The following UBASH3A variants were observed in gnomAD, a reference collection of about 807,000 sequenced individuals.
UBASH3A encodes ubiquitin associated and SH3 domain containing A.
In UBASH3A, 63 loss-of-function variants were observed where a neutral mutation model predicts 73.5. The ratio of observed to expected loss-of-function variants is 0.86; its 90% CI spans 0.70 to 1.06. The LOEUF is 1.06. Among genes scored for constraint, UBASH3A ranks in the 50% least tolerant of loss-of-function variants. The pLI is 0.00. For synonymous variants in UBASH3A, 363 were observed against 351.1 expected, an observed-to-expected ratio of 1.03 and a Z score of -0.38; for missense variants, 860 against 859.0, an observed-to-expected ratio of 1.00 and a Z score of -0.02.
intron 3 of UBASH3A, among the ~76,000 whole-genome samples, chr21:42,411,385 C>T (rs1340602601): frequency 6.6e-6 from 1 of 151,656 alleles, no homozygotes; most frequent in African/African-American, 2.4e-5. Context: ...GATAGACACA[C>T]ATGCACAAAC....
At chr21:42,427,074 C>T (rs1013537651) in intron 8 of UBASH3A, among the ~76,000 whole-genome samples, 1 of 152,294 alleles carries the variant, frequency 6.6e-6, no homozygotes, top group East Asian at 1.9e-4. Context: ...CTCAAGGCAG[C>T]TGAATCCCGA....
intron 6 of UBASH3A, among the ~76,000 whole-genome samples, chr21:42,417,915 C>T (rs1264827626): frequency 4.6e-5 from 6 of 131,210 alleles, no homozygotes; most frequent in African/African-American, 1.8e-4. Flanking sequence ...GGGAGTCTCA[C>T]CCTGTCACCC....
intron 11 of UBASH3A, among the ~76,000 whole-genome samples, chr21:42,438,629 A>G (rs2053671727): frequency 6.6e-6 from 1 of 152,142 alleles, no homozygotes; most frequent in South Asian, 2.1e-4. Context: ...ACTTGAGGGC[A>G]TAGTGAGGGG....
At chr21:42,440,244 T>G (rs188061019) in intron 11 of UBASH3A, among the ~76,000 whole-genome samples, 29 of 152,324 alleles carry the variant, frequency 1.9e-4, no homozygotes, top group African/African-American at 7.0e-4. Flanking sequence ...TTTCCAGCTC[T>G]GCGCTTTGGG....
At chr21:42,444,753 C>T (rs2053818020) in intron 14 of UBASH3A, 110 bp downstream of exon 14, 1 of 884,558 alleles carries the variant, frequency 1.1e-6, no homozygotes, top group South Asian at 1.4e-5. Context: ...GACCCAGGGC[C>T]ACCAGGATCC....
intron 11 of UBASH3A, among the ~76,000 whole-genome samples, chr21:42,438,649 C>T (rs2053672111): frequency 6.6e-6 from 1 of 152,104 alleles, no homozygotes; most frequent in Non-Finnish European, 1.5e-5. Flanking sequence ...GGTGACCGTG[C>T]CCATGGACTT....
intron 5 of UBASH3A, among the ~76,000 whole-genome samples, chr21:42,416,067 G>A (rs1431855245): frequency 6.6e-6 from 1 of 152,092 alleles, no homozygotes; most frequent in Non-Finnish European, 1.5e-5. Context: ...TTTTCTTCTT[G>A]AAACTCTACG....
intron 8 of UBASH3A, among the ~76,000 whole-genome samples, chr21:42,431,447 C>T (rs781714092): frequency 1.4e-4 from 21 of 152,338 alleles, no homozygotes; most frequent in South Asian, 2.1e-4. Context: ...GTCCCTGGCT[C>T]GAAGCTGCTG....
intron 8 of UBASH3A, among the ~76,000 whole-genome samples, chr21:42,428,757 G>A (rs1386839121): frequency 6.6e-6 from 1 of 152,042 alleles, no homozygotes; most frequent in Non-Finnish European, 1.5e-5. Context: ...AGCTCAGCCT[G>A]TGTCTAAACC....
rs374765729 is a variant in UBASH3A at position 42,431,163 on chromosome 21, C to T, written c.1171-940C>T. ...TTCATCTCATTTGCTGTGGGTTCCT[C>T]TCAAGGCCAGTCCCTCAACTTGATC... is the stretch of plus-strand genomic sequence containing the variant. On this transcript the variant is annotated intron_variant, in intron 8 of 14. Coordinates refer to ENST00000319294, the MANE Select transcript of UBASH3A (RefSeq NM_018961.4). Among the ~76,000 whole-genome samples the T allele has an allele frequency of 2.7e-4, 41 of 152,358 alleles. 1 individual carries two copies. In the South Asian group the frequency reaches 5.8e-3, roughly 22 times the overall value.
chr21:42,404,260 C>T (rs1164936226), intron 1 of UBASH3A: 1 of 375,646 alleles, frequency 2.7e-6, no homozygotes. Flanking sequence ...TTGTCCAACC[C>T]ACATGAGGCC....
intron 10 of UBASH3A, 119 bp from the exon 11 acceptor site, chr21:42,437,369 G>A (rs2053643302): frequency 2.5e-6 from 2 of 801,858 alleles, no homozygotes; most frequent in Non-Finnish European, 2.1e-6. Flanking sequence ...TGTCACACCA[G>A]GGGGTGGAAA....
chr21:42,412,442 G>A (rs1450627963), intron 3 of UBASH3A, among the ~76,000 whole-genome samples: 2 of 152,204 alleles, frequency 1.3e-5, no homozygotes, highest in Non-Finnish European at 2.9e-5. Flanking sequence ...CCCAGTGCAG[G>A]AGACGCACAG....
intron 14 of UBASH3A, among the ~76,000 whole-genome samples, chr21:42,446,059 C>CAAT (rs199498874): frequency 6.6e-6 from 1 of 151,444 alleles, no homozygotes; most frequent in Admixed American, 6.6e-5. Context: ...CTCCTGGGGG[C>CAAT]CCACGTAACC....
At chr21:42,443,015 G>C in intron 12 of UBASH3A, 1 of 805,360 alleles carries the variant, frequency 1.2e-6, no homozygotes, top group Non-Finnish European at 1.7e-6. Flanking sequence ...TGAGAAGAAG[G>C]TTCAGAGGAG....
intron 7 of UBASH3A, among the ~76,000 whole-genome samples, chr21:42,426,117 T>A (rs1280275945): frequency 6.6e-6 from 1 of 152,064 alleles, no homozygotes; most frequent in African/African-American, 2.4e-5. Context: ...ACAGCTCAAG[T>A]CCAAAGGTGG....
At position 42,409,365 on chromosome 21, in the gene UBASH3A, AG is replaced by A. The variant is rs1301940865; in HGVS notation, c.168-53del. 15 of 1,489,118 alleles carry A rather than the reference AG, an allele frequency of 1.0e-5. No individual in the cohort carries two copies. In the African/African-American group the frequency reaches 2.1e-4, roughly 21 times the overall value. 92.2% of individuals were successfully genotyped at this position (1,489,118 alleles called of 1,614,324 possible). On this transcript the variant is annotated intron_variant, in intron 2 of 14. Coordinates refer to ENST00000319294, the MANE Select transcript of UBASH3A (RefSeq NM_018961.4). ...TTGTCATTCTGTTGTGTATCCTCAAAGGGGAAAACTCTTTTTGTTGTGACAG... is the reference window on the plus strand; with the variant it reads ...TTGTCATTCTGTTGTGTATCCTCAAAGGGAAAACTCTTTTTGTTGTGACAG...
chr21:42,413,498 C>T lies in UBASH3A; in HGVS notation c.642C>T (p.Phe214=), dbSNP rs758505370. The change falls in exon 5 of 15, where the codon TTC becomes TTT. Residue 214 remains phenylalanine, a synonymous_variant. Transcript: ENST00000319294. This position sits in a 1 kb window ranked among gnomAD's most constrained non-coding sequence, Gnocchi z 4.5. ...LRLSNLTRAS[F]VSHYILQKYC... is the part of the protein sequence containing the mutation. ...TGAGCAATTTAACTAGAGCCTCCTT[C>T]GTGAGCCACTACATCCTTCAAAAAT... 9 of 1,613,670 alleles carry T rather than the reference C, an allele frequency of 5.6e-6. No homozygotes were observed. The highest frequency in any genetic ancestry group is 1.3e-5 in the African/African-American group (1 of 74,924).
intron 9 of UBASH3A, among the ~76,000 whole-genome samples, chr21:42,433,521 C>G (rs1229328918): frequency 6.6e-6 from 1 of 152,150 alleles, no homozygotes; most frequent in East Asian, 1.9e-4. Flanking sequence ...GCCCTCTGCC[C>G]CCAGAGTGAT....
Sources: allele counts gnomAD v4.1 joint callset (sites outside exome capture counted in the v4.1 genomes callset), GRCh38; gene constraint gnomAD v4.1.1; non-coding constraint Gnocchi (gnomAD v3.1); transcripts MANE v1.5; gene names NCBI Gene and HGNC (gene_info 2026-07-23, HGNC 2026-07-21).